TMTC2: variants seen among roughly 807,000 people sequenced by gnomAD.
The protein encoded by TMTC2 is protein O-mannosyl-transferase TMTC2.
A neutral mutation model predicts 82.4 loss-of-function variants in TMTC2; 43 were observed. The observed-to-expected ratio is 0.52, with a 90% confidence interval of 0.41 to 0.67. The LOEUF (loss-of-function observed/expected upper bound fraction) is 0.67, where lower values mean the gene tolerates loss of function less well. Ranked by LOEUF, TMTC2 falls within the 30% of genes least tolerant of loss-of-function variation. The pLI is 0.00. For missense variants in TMTC2, 919 were observed against 1,012.4 expected, an observed-to-expected ratio of 0.91 and a Z score of 1.25; for synonymous variants, 408 against 381.9, an observed-to-expected ratio of 1.07 and a Z score of -0.80.
intron 1 of TMTC2, among the ~76,000 whole-genome samples, chr12:82,852,089 T>C (rs1161101452): frequency 6.7e-6 from 1 of 150,000 alleles, no homozygotes; most frequent in Non-Finnish European, 1.5e-5. Flanking sequence ...CCTTGAAGAC[T>C]TCAGAAACTA....
At chr12:82,876,094 A>ATAATGGTGGTGGTGGTGGTATTAG (rs1565788858) in intron 2 of TMTC2, among the ~76,000 whole-genome samples, 36 of 117,224 alleles carry the variant, frequency 3.1e-4, no homozygotes, top group Admixed American at 5.0e-4. Flanking sequence ...ATTAGTATTC[A>ATAATGGTGGTGGTGGTGGTATTAG]TAATGGTGGT....
At chr12:82,744,776 A>C (rs1875600149) in intron 1 of TMTC2, among the ~76,000 whole-genome samples, 1 of 152,190 alleles carries the variant, frequency 6.6e-6, no homozygotes, top group South Asian at 2.1e-4. Context: ...GGCAGGGGCT[A>C]GCAGAAGGTT....
At chr12:82,889,812 T>C (rs1334451514) in intron 2 of TMTC2, among the ~76,000 whole-genome samples, 3 of 152,144 alleles carry the variant, frequency 2.0e-5, no homozygotes, top group East Asian at 1.9e-4. Context: ...TTGTATGTAG[T>C]TTATTTCTTT....
At chr12:82,792,172 T>C (rs1363543177) in intron 1 of TMTC2, among the ~76,000 whole-genome samples, 1 of 152,046 alleles carries the variant, frequency 6.6e-6, no homozygotes, top group African/African-American at 2.4e-5. Flanking sequence ...TATCTGAAAA[T>C]GGGGCTAATG....
intron 9 of TMTC2, among the ~76,000 whole-genome samples, chr12:83,043,512 G>A (rs141172784): frequency 2.1e-3 from 322 of 152,288 alleles, no homozygotes; most frequent in African/African-American, 7.2e-3. Flanking sequence ...AGTTGCTTCC[G>A]GGATGCTGGC....
At chr12:82,841,621 C>A (rs1870340040) in intron 1 of TMTC2, among the ~76,000 whole-genome samples, 1 of 152,216 alleles carries the variant, frequency 6.6e-6, no homozygotes, top group South Asian at 2.1e-4. Flanking sequence ...TCATCACTGG[C>A]AGCCCTGGTG....
rs181697563 is a variant in TMTC2 at position 83,029,203 on chromosome 12, A to G, written c.2071-1595A>G. On this transcript the variant is annotated intron_variant, in intron 8 of 11. Transcript: ENST00000321196. ...GAGAAAAGAGTCAAAGCTGCGTACC[A>G]TGTAGCACAAGTTGTCCAACCCACA... Among the ~76,000 whole-genome samples, 90 of 152,320 alleles carry G rather than the reference A, an allele frequency of 5.9e-4. 2 individuals are homozygous for G. The highest frequency in any genetic ancestry group is 2.0e-3 in the African/African-American group (83 of 41,590).
intron 8 of TMTC2, among the ~76,000 whole-genome samples, chr12:83,010,711 C>A (rs1880415441): frequency 6.6e-6 from 1 of 152,148 alleles, no homozygotes; most frequent in Non-Finnish European, 1.5e-5. Context: ...GTGTCTAAAT[C>A]TGTATCTTAA....
At chr12:82,978,000 A>G (rs574775249) in intron 7 of TMTC2, among the ~76,000 whole-genome samples, 1 of 151,946 alleles carries the variant, frequency 6.6e-6, no homozygotes, top group Admixed American at 6.6e-5. Context: ...TCAATATGTA[A>G]TTCAAATTCT....
chr12:82,856,219 C>G (rs1364811768), intron 1 of TMTC2, among the ~76,000 whole-genome samples: 1 of 152,158 alleles, frequency 6.6e-6, no homozygotes, highest in African/African-American at 2.4e-5. Flanking sequence ...AAATATCAGG[C>G]ATGCAAATGG....
intron 1 of TMTC2, among the ~76,000 whole-genome samples, chr12:82,796,442 A>G (rs553143739): frequency 6.6e-6 from 1 of 152,294 alleles, no homozygotes; most frequent in Non-Finnish European, 1.5e-5. Context: ...ATTTACTCCA[A>G]AACAAATGAG....
intron 1 of TMTC2, among the ~76,000 whole-genome samples, chr12:82,853,835 T>A (rs1404605215): frequency 6.6e-6 from 1 of 151,976 alleles, no homozygotes; most frequent in Non-Finnish European, 1.5e-5. Context: ...TTAGAGATAT[T>A]TACATCAATA....
chr12:82,722,502 G>A (rs1421061301), intron 1 of TMTC2, among the ~76,000 whole-genome samples: 1 of 139,942 alleles, frequency 7.1e-6, no homozygotes, highest in Non-Finnish European at 1.5e-5. Flanking sequence ...GGGAGGCAGA[G>A]CTTGCAGTGA....
At chr12:82,729,927 C>T (rs2136938204) in intron 1 of TMTC2, among the ~76,000 whole-genome samples, 2 of 152,206 alleles carry the variant, frequency 1.3e-5, no homozygotes, top group Middle Eastern at 6.8e-3. Flanking sequence ...AAAGGAACAA[C>T]TCCAGATGCG....
chr12:82,702,427 G>A (rs1213925091), intron 1 of TMTC2, among the ~76,000 whole-genome samples: 3 of 152,098 alleles, frequency 2.0e-5, no homozygotes, highest in African/African-American at 7.2e-5. Flanking sequence ...GACTGTTCAG[G>A]TGAAAATTTA....
In TMTC2 at chr12:82,896,464, T is replaced by C. The variant is rs1592609161; in HGVS notation, c.1301T>C (p.Leu434Pro). 1 of 1,614,226 alleles carries C rather than the reference T, an allele frequency of 6.2e-7. No individual in the cohort carries two copies. The highest frequency in any genetic ancestry group is 1.1e-5 in the South Asian group (1 of 91,082). ...ATTCCTAGTATGGGCTTCTGCCTAC[T>C]GATTACAGTGGGTGCTAGAGCCCTT... ...LYIPSMGFCL[L>P]ITVGARALYV... The change falls in exon 3 of 12, where the codon CTG (leucine) becomes CCG (proline). Residue 434 changes from leucine (L) to proline (P), a missense_variant. Coordinates refer to ENST00000321196, the MANE Select transcript of TMTC2 (RefSeq NM_152588.3).
intron 1 of TMTC2, among the ~76,000 whole-genome samples, chr12:82,745,743 C>T (rs1477146269): frequency 6.6e-6 from 1 of 152,240 alleles, no homozygotes; most frequent in East Asian, 1.9e-4. Flanking sequence ...TACCATTGTG[C>T]TTTTATGAGA....
chr12:82,768,027 T>TCG (rs1565741788), intron 1 of TMTC2, among the ~76,000 whole-genome samples: 1 of 149,704 alleles, frequency 6.7e-6, no homozygotes, highest in African/African-American at 2.5e-5. Flanking sequence ...TTAAACTTAC[T>TCG]TACTCATCTT....
chr12:82,699,089 T>G (rs1207464754), intron 1 of TMTC2, among the ~76,000 whole-genome samples: 1 of 152,166 alleles, frequency 6.6e-6, no homozygotes, highest in Non-Finnish European at 1.5e-5. Flanking sequence ...CACTCTCATC[T>G]CCCGTGAGAA....
Sources: gnomAD v4.1 joint callset for allele counts (sites outside exome capture counted in the v4.1 genomes callset) on GRCh38, gnomAD v4.1.1 for gene constraint, MANE v1.5 for transcripts, NCBI Gene and HGNC (gene_info 2026-07-23, HGNC 2026-07-21) for gene names.